Variants in RNF130 observed in about 807,000 individuals in gnomAD.
RNF130 encodes the protein E3 ubiquitin-protein ligase RNF130.
A neutral mutation model predicts 44.6 loss-of-function variants in RNF130; 21 were observed. The observed-to-expected ratio is 0.47, with a 90% CI of 0.33 to 0.68. RNF130 has a LOEUF of 0.68. Among genes scored for constraint, RNF130 ranks in the 30% least tolerant of loss-of-function variants. The pLI is 0.02. For missense variants in RNF130, 479 were observed against 560.6 expected, an observed-to-expected ratio of 0.85 and a Z score of 1.47; for synonymous variants, 214 against 210.4, an observed-to-expected ratio of 1.02 and a Z score of -0.15.
At position 179,970,956 on chromosome 5, in the gene RNF130, A is replaced by T. The variant is rs567456723; in HGVS notation, c.849-450T>A. 2.6e-5 allele frequency among the ~76,000 whole-genome samples: 4 copies of T among 152,342 alleles called. No individual in the cohort carries two copies. The South Asian group carries it at 8.3e-4, about 32-fold the overall frequency. On this transcript the variant is annotated intron_variant, in intron 5 of 8. Coordinates refer to ENST00000521389, the MANE Select transcript of RNF130 (RefSeq NM_018434.6). Reference sequence around the variant, plus strand: ...ACCCTGATTGAATGTCATTTAAAACATCATTTTTAAAAACTTCTAAGCAAC... The same window carrying T: ...ACCCTGATTGAATGTCATTTAAAACTTCATTTTTAAAAACTTCTAAGCAAC...
chr5:179,969,235 G>A (rs559070708), intron 6 of RNF130, among the ~76,000 whole-genome samples: 2 of 152,082 alleles, frequency 1.3e-5, no homozygotes, highest in South Asian at 4.1e-4. Flanking sequence ...GGTTACTCAA[G>A]TCAGTGTTGA....
At chr5:179,924,457 T>C (rs770135310) in intron 7 of RNF130, among the ~76,000 whole-genome samples, 3 of 148,390 alleles carry the variant, frequency 2.0e-5, no homozygotes, top group Non-Finnish European at 3.0e-5. Context: ...ATTGTGCCAT[T>C]GCACTCCAGC....
chr5:180,057,398 A>G (rs1254435046), intron 1 of RNF130, among the ~76,000 whole-genome samples: 3 of 152,106 alleles, frequency 2.0e-5, no homozygotes, highest in Admixed American at 1.3e-4. Context: ...AAAATACAAA[A>G]ACTATCCGGG....
At chr5:180,029,852 C>CTTTT (rs11397024) in intron 2 of RNF130, among the ~76,000 whole-genome samples, 4 of 144,324 alleles carry the variant, frequency 2.8e-5, no homozygotes, top group Non-Finnish European at 3.0e-5. Context: ...CTATCCACCT[C>CTTTT]TTTTTTTTTT....
chr5:180,044,879 G>C (rs552262313), intron 1 of RNF130, among the ~76,000 whole-genome samples: 2 of 152,164 alleles, frequency 1.3e-5, no homozygotes, highest in East Asian at 3.9e-4. Context: ...ATCATAATTG[G>C]CACCAGCACA....
chr5:179,917,950 G>A (rs1056846490), exon 8 of RNF130: 1 of 152,380 alleles, frequency 6.6e-6, no homozygotes, highest in East Asian at 1.9e-4. Context: ...AGGCTGCAGT[G>A]AGCCAAGGTT....
At chr5:180,015,365 AG>A (rs1266382195) in intron 2 of RNF130, 1 of 533,756 alleles carries the variant, frequency 1.9e-6, no homozygotes, top group Non-Finnish European at 3.9e-6. Flanking sequence ...TATGACAATC[AG>A]TCTCATTGCT....
At chr5:180,055,008 T>G (rs1005734672) in intron 1 of RNF130, among the ~76,000 whole-genome samples, 2 of 152,226 alleles carry the variant, frequency 1.3e-5, no homozygotes. Flanking sequence ...CTAAATGTAT[T>G]TGAGTTTTTA....
At chr5:179,954,011 G>A (rs1248192749), downstream of RNF130, among the ~76,000 whole-genome samples, 1 of 152,168 alleles carries the variant, frequency 6.6e-6, no homozygotes, top group Non-Finnish European at 1.5e-5. Flanking sequence ...TGCATCTTCA[G>A]TCACTAGGGT....
At chr5:179,931,032 C>CA (rs34266288) in intron 7 of RNF130, among the ~76,000 whole-genome samples, 2,675 of 73,790 alleles carry the variant, frequency 0.036, 68 homozygotes, top group African/African-American at 0.07. Flanking sequence ...ACCTCTGTCT[C>CA]AAAAAAAAAA....
At chr5:180,040,354 G>C (rs1271705988) in intron 2 of RNF130, 99 bp downstream of exon 2, 12 of 1,119,512 alleles carry the variant, frequency 1.1e-5, no homozygotes, top group Non-Finnish European at 1.5e-5. Flanking sequence ...ATAGGATTAT[G>C]TTGGAAATTA....
chr5:180,015,989 C>G (rs1422091378), intron 2 of RNF130, among the ~76,000 whole-genome samples: 1 of 152,130 alleles, frequency 6.6e-6, no homozygotes, highest in Non-Finnish European at 1.5e-5. Context: ...GCTCTTGATG[C>G]AAAAATCCAC....
chr5:180,045,737 A>G (rs1764549671), intron 1 of RNF130, among the ~76,000 whole-genome samples: 3 of 152,026 alleles, frequency 2.0e-5, no homozygotes, highest in African/African-American at 7.3e-5. Flanking sequence ...CAATTGGTGC[A>G]TTTACAATCC....
At chr5:180,066,094 A>G (rs1765101489) in intron 1 of RNF130, among the ~76,000 whole-genome samples, 1 of 152,158 alleles carries the variant, frequency 6.6e-6, no homozygotes, top group Non-Finnish European at 1.5e-5. Context: ...GCCCTCTGAT[A>G]TGGTTTGGCT....
chr5:179,953,010 G>A (rs949218174), downstream of RNF130, among the ~76,000 whole-genome samples: 1 of 151,720 alleles, frequency 6.6e-6, no homozygotes, highest in Non-Finnish European at 1.5e-5. Flanking sequence ...TTAAGCATGA[G>A]GATAAAATAA....
intron 2 of RNF130, among the ~76,000 whole-genome samples, chr5:180,030,555 A>C (rs535613265): frequency 2.0e-5 from 3 of 152,034 alleles, no homozygotes; most frequent in Non-Finnish European, 4.4e-5. Context: ...TTGTTTTTTA[A>C]AAGATGGGGG....
intron 5 of RNF130, among the ~76,000 whole-genome samples, chr5:179,974,830 G>C (rs1762681016): frequency 6.6e-6 from 1 of 152,268 alleles, no homozygotes; most frequent in African/African-American, 2.4e-5. Context: ...GGAGAGAGCA[G>C]GCACGCAGCG....
At chr5:180,024,195 G>A (rs1361379977) in intron 2 of RNF130, among the ~76,000 whole-genome samples, 1 of 152,120 alleles carries the variant, frequency 6.6e-6, no homozygotes, top group African/African-American at 2.4e-5. Flanking sequence ...AAAACTAATG[G>A]ATCATGATGA....
chr5:179,960,362 C>G (rs1036571351), intron 8 of RNF130, among the ~76,000 whole-genome samples: 1 of 152,206 alleles, frequency 6.6e-6, no homozygotes, highest in Non-Finnish European at 1.5e-5. Flanking sequence ...TATAATCAGT[C>G]GCAGTACTAA....
Sources: allele counts gnomAD v4.1 joint callset (sites outside exome capture counted in the v4.1 genomes callset), GRCh38; gene constraint gnomAD v4.1.1; transcripts MANE v1.5; gene names NCBI Gene and HGNC (gene_info 2026-07-23, HGNC 2026-07-21).